The following MROH7 variants were observed in gnomAD, a reference collection of about 807,000 sequenced individuals.
MROH7 encodes maestro heat like repeat family member 7.
A neutral mutation model predicts 129.2 loss-of-function variants in MROH7; 113 were observed. The observed-to-expected ratio is 0.87, with a 90% CI of 0.75 to 1.02. MROH7 has a LOEUF of 1.02. Ranked by LOEUF, MROH7 falls within the 50% of genes least tolerant of loss-of-function variation. The pLI, the probability that MROH7 is intolerant of heterozygous loss-of-function variation, is 0.00. For synonymous variants in MROH7, 655 were observed against 667.9 expected (o/e 0.98, Z 0.30); for missense variants, 1,601 against 1,671.3 (o/e 0.96, Z 0.73).
Position 54,710,000 on chromosome 1 carries a change from A to G in MROH7, c.3785A>G (p.Gln1262Arg). Residue 1262 changes from glutamine to arginine, a missense_variant, in exon 24 of 24, where the codon CAG becomes CGG. Physicochemically the swap from Gln to Arg is conservative, Grantham distance 43 (BLOSUM62 1). Coordinates refer to ENST00000421030, the MANE Select transcript of MROH7 (RefSeq NM_001039464.4). ...PEASVCIYAA[Q>R]VQDHILASCW... ...GCATCAGTGTGCATCTACGCAGCCC[A>G]GGTCCAGGACCACATCCTGGCCAGC... 1.2e-6 allele frequency: 2 copies of G among 1,614,160 alleles called. No homozygotes were observed. Among genetic ancestry groups the G allele is most frequent in the Non-Finnish European group, 1.7e-6 (2 of 1,180,018 alleles).
chr1:54,709,380 G>A (rs935944101), intron 23 of MROH7, among the ~76,000 whole-genome samples: 3 of 152,152 alleles, frequency 2.0e-5, no homozygotes, highest in Admixed American at 6.5e-5. Context: ...CACTGCGCCT[G>A]CTAATTTTTG....
At chr1:54,686,508 C>CA in intron 15 of MROH7, 60 bp downstream of exon 15, 1 of 1,504,462 alleles carries the variant, frequency 6.6e-7, no homozygotes. Flanking sequence ...GCCATCCAGT[C>CA]AGAGCCTCCA....
At chr1:54,665,752 G>A (rs901456436) in intron 4 of MROH7, 1 of 156,648 alleles carries the variant, frequency 6.4e-6, no homozygotes, top group African/African-American at 2.4e-5. Context: ...GGACGTGAGT[G>A]CGACACAGGG....
chr1:54,668,433 G>A (rs554384608), intron 4 of MROH7, among the ~76,000 whole-genome samples: 5 of 152,226 alleles, frequency 3.3e-5, no homozygotes, highest in South Asian at 4.2e-4. Flanking sequence ...TGATGAGAAC[G>A]GAGAGATTAG....
intron 4 of MROH7, among the ~76,000 whole-genome samples, chr1:54,667,519 G>C (rs1158625836): frequency 1.3e-5 from 2 of 150,844 alleles, no homozygotes; most frequent in South Asian, 4.2e-4. Flanking sequence ...GCAATGGTGT[G>C]ATCTCGGCTC....
intron 7 of MROH7, 66 bp from the exon 8 acceptor site, chr1:54,673,025 G>C: frequency 8.2e-7 from 1 of 1,217,468 alleles, no homozygotes; most frequent in Non-Finnish European, 1.2e-6. Context: ...CCTACACCAG[G>C]GGCCGCCTGG....
At chr1:54,645,333 G>A (rs1298389778) in intron 1 of MROH7, among the ~76,000 whole-genome samples, 1 of 151,846 alleles carries the variant, frequency 6.6e-6, no homozygotes, top group African/African-American at 2.4e-5. Context: ...GAGTGCAGTG[G>A]TAGTGGTGCA....
chr1:54,666,726 A>G (rs1644821104), intron 4 of MROH7, among the ~76,000 whole-genome samples: 1 of 151,938 alleles, frequency 6.6e-6, no homozygotes, highest in Admixed American at 6.6e-5. Context: ...GGATTATAGC[A>G]GTGAGCCACC....
rs577565056 is a variant in MROH7, at chr1:54,695,692, C to G, written c.2964+202C>G. On this transcript the variant is annotated intron_variant, in intron 17 of 23. Transcript: ENST00000421030. ...ACCCTTTACTCCATTCCACTCTTAA[C>G]CAGACTCCCCTAGTGCCCAGGGAAC... is the stretch of plus-strand genomic sequence containing the variant. The G allele has an allele frequency of 2.7e-5, 17 of 623,320 alleles. No homozygotes were observed. In the South Asian group the frequency reaches 2.8e-4, roughly 10 times the overall value. 38.6% of individuals were successfully genotyped at this position (623,320 alleles called of 1,614,324 possible).
At chr1:54,700,993 G>T (rs937818513) in intron 18 of MROH7, 150 bp from the exon 19 acceptor site, 12 of 808,196 alleles carry the variant, frequency 1.5e-5, no homozygotes, top group African/African-American at 1.7e-5. Context: ...GAGGTTGGGT[G>T]AGGGTATTCC....
intron 15 of MROH7, among the ~76,000 whole-genome samples, chr1:54,686,870 T>C (rs950856260): frequency 5.3e-5 from 8 of 152,190 alleles, no homozygotes; most frequent in Admixed American, 4.6e-4. Flanking sequence ...ACCCCAGTTA[T>C]GTTCCCAAAG....
intron 17 of MROH7, among the ~76,000 whole-genome samples, chr1:54,696,915 T>C (rs1645332789): frequency 6.6e-6 from 1 of 152,006 alleles, no homozygotes; most frequent in African/African-American, 2.4e-5. Context: ...CAAATGATCC[T>C]CCCACCTCAG....
intron 1 of MROH7, among the ~76,000 whole-genome samples, chr1:54,649,736 C>A (rs750237305): frequency 5.3e-5 from 8 of 152,198 alleles, no homozygotes; most frequent in Non-Finnish European, 1.2e-4. Context: ...TGACTATGGT[C>A]CTGTGTGTGT....
chr1:54,668,957 G>A lies in MROH7; in HGVS notation c.1389+20G>A, dbSNP rs777442777. ...ATTATGGTGGGGGAGCCACAGGCGG[G>A]TCTGTGGCATTGGGGTGGGAGGGGG... On this transcript the variant is annotated intron_variant, in intron 5 of 23. Coordinates refer to ENST00000421030, the MANE Select transcript of MROH7 (RefSeq NM_001039464.4). The A allele has an allele frequency of 1.3e-6, 2 of 1,487,596 alleles. No individual in the cohort carries two copies. Among genetic ancestry groups the A allele is most frequent in the Non-Finnish European group, 1.9e-6 (2 of 1,070,034 alleles). 92.1% of individuals were successfully genotyped at this position (1,487,596 alleles called of 1,614,324 possible).
rs780480424 is a variant in MROH7 at position 54,645,651 on chromosome 1, C to CTTTT, written c.-110+3686_-110+3687insTTTT. On this transcript the variant is annotated intron_variant, in intron 1 of 23. Transcript: ENST00000421030. ...GATATTTCTTTTCTTTTCTTTCTTT[C>CTTTT]TTTCTTTTTTTTTTTTTTTGAGACA... Among the ~76,000 whole-genome samples the CTTTT allele has an allele frequency of 2.8e-3, 303 of 110,166 alleles. 14 individuals are homozygous for CTTTT. The highest frequency in any genetic ancestry group is 8.4e-3 in the African/African-American group (238 of 28,440). The allele number at this position is 110,166 out of a possible 152,430, so 72.3% of individuals were successfully genotyped here.
rs751601025 is a variant in MROH7 at position 54,702,735 on chromosome 1, G to C, written c.3554G>C (p.Cys1185Ser). ...DNQQQTVAKI[C>S]KCLVNTHRDS... ...CAACAGCAGACAGTGGCCAAAATTTGCAAGTGCCTTGTGAGTGCTCCCAGA... is the reference window on the plus strand; with the variant it reads ...CAACAGCAGACAGTGGCCAAAATTTCCAAGTGCCTTGTGAGTGCTCCCAGA... Residue 1185 changes from cysteine (C) to serine (S), a missense_variant, in exon 21 of 24, where the codon TGC (cysteine) becomes TCC (serine). Physicochemically the swap from Cys to Ser is moderately radical, Grantham distance 112. Transcript: ENST00000421030. 6.2e-6 allele frequency: 10 copies of C among 1,612,718 alleles called. No homozygotes were observed. The highest frequency in any genetic ancestry group is 8.5e-6 in the Non-Finnish European group (10 of 1,179,386).
rs1382030818 is a variant in MROH7 at position 54,706,483 on chromosome 1, G to C, written c.3613G>C (p.Glu1205Gln). 3 of 1,613,634 alleles carry C rather than the reference G, an allele frequency of 1.9e-6. No homozygotes were observed. The highest frequency in any genetic ancestry group is 2.5e-6 in the Non-Finnish European group (3 of 1,179,974). ...CTTCATATTCCTCAGCCAGAGCCTGGAGTATGCCAAGAACTCACGGGCCTC... is the reference window on the plus strand; with the variant it reads ...CTTCATATTCCTCAGCCAGAGCCTGCAGTATGCCAAGAACTCACGGGCCTC... ...SAFIFLSQSL[E>Q]YAKNSRASLR... The change falls in exon 22 of 24, where the codon GAG (glutamate) becomes CAG (glutamine). Residue 1205 changes from glutamate to glutamine, a missense_variant. Physicochemically the swap from Glu to Gln is conservative, Grantham distance 29. Transcript: ENST00000421030.
chr1:54,642,195 G>A (rs1214447822), intron 1 of MROH7, among the ~76,000 whole-genome samples: 1 of 152,186 alleles, frequency 6.6e-6, no homozygotes, highest in Non-Finnish European at 1.5e-5. Flanking sequence ...GGGGAGGAAG[G>A]GATGGTGGGG....
chr1:54,678,712 G>A (rs371897901), intron 10 of MROH7, 30 bp from the exon 11 acceptor site: 10 of 1,501,962 alleles, frequency 6.7e-6, no homozygotes, highest in Admixed American at 3.3e-5. Context: ...AGGGAGATCC[G>A]GCCTCACTGA....
Sources: allele counts gnomAD v4.1 joint callset (sites outside exome capture counted in the v4.1 genomes callset), GRCh38; gene constraint gnomAD v4.1.1; transcripts MANE v1.5; gene names NCBI Gene and HGNC (gene_info 2026-07-23, HGNC 2026-07-21).